Variants in GNA12 observed in about 807,000 individuals in gnomAD.
GNA12 encodes the protein G protein subunit alpha 12.
In GNA12, 9 loss-of-function variants were observed where a neutral mutation model predicts 26.0. The ratio of observed to expected loss-of-function variants is 0.35; its 90% CI spans 0.21 to 0.60. The LOEUF (loss-of-function observed/expected upper bound fraction) is 0.60. GNA12 is among the 20% of genes least tolerant of loss of function. The pLI, the probability that GNA12 is intolerant of heterozygous loss-of-function variation, is 0.78. For synonymous variants in GNA12, 264 were observed against 219.6 expected (o/e 1.20, Z -1.79); for missense variants, 405 against 525.8 (o/e 0.77, Z 2.25).
rs77711396 is a variant in GNA12 at position 2,795,183 on chromosome 7, C to A, written c.310-40G>T. The A allele has an allele frequency of 9.9e-4, 1,481 of 1,502,634 alleles. 12 individuals are homozygous for A. In the African/African-American group the frequency reaches 0.018, roughly 18 times the overall value. 93.1% of individuals were successfully genotyped at this position (1,502,634 alleles called of 1,614,324 possible). On this transcript the variant is annotated intron_variant, in intron 1 of 3. Coordinates refer to ENST00000275364, the MANE Select transcript of GNA12 (RefSeq NM_007353.3). ...AAAGAAGAGAGGATTTAATTGCATT[C>A]CAAAGACTAAACCACGCTAGAGAAG...
chr7:2,819,815 A>T (rs113544928), intron 1 of GNA12, among the ~76,000 whole-genome samples: 146 of 152,270 alleles, frequency 9.6e-4, no homozygotes, highest in African/African-American at 3.3e-3. Context: ...ATTCAGAAAC[A>T]CTCGGGTAGC....
At chr7:2,760,419 T>C (rs1168954270) in intron 2 of GNA12, 1 of 152,498 alleles carries the variant, frequency 6.6e-6, no homozygotes, top group Non-Finnish European at 1.5e-5. Flanking sequence ...AAGCAATCAA[T>C]GTCAGTGGTC....
At position 2,784,103 on chromosome 7, in the gene GNA12, T is replaced by C. The variant is rs569291911; in HGVS notation, c.525+10825A>G. On this transcript the variant is annotated intron_variant, in intron 2 of 3. Coordinates refer to ENST00000275364, the MANE Select transcript of GNA12 (RefSeq NM_007353.3). ...CATTTTTATCTCATTTTATTTAATT[T>C]AAAATTTAACATTTATTTTATTATT... is the stretch of plus-strand genomic sequence containing the variant. Among the ~76,000 whole-genome samples, 38 of 152,354 alleles carry C rather than the reference T, an allele frequency of 2.5e-4. No individual in the cohort carries two copies. In the South Asian group the frequency reaches 7.2e-3, roughly 29 times the overall value.
Position 2,803,911 on chromosome 7 carries a change from C to T in GNA12, c.310-8768G>A, listed in dbSNP as rs143307238. Among the ~76,000 whole-genome samples the T allele has an allele frequency of 2.9e-3, 436 of 152,316 alleles. 3 individuals are homozygous for T. Among genetic ancestry groups the T allele is most frequent in the Middle Eastern group, 0.01 (3 of 294 alleles). On this transcript the variant is annotated intron_variant, in intron 1 of 3. Coordinates refer to ENST00000275364, the MANE Select transcript of GNA12 (RefSeq NM_007353.3). ...GGGCTCCATTTCAAAACTCACAAGCCAGCAGGCTGGAAACTCCTGGAATCA... is the reference window on the plus strand; with the variant it reads ...GGGCTCCATTTCAAAACTCACAAGCTAGCAGGCTGGAAACTCCTGGAATCA...
In GNA12 at chr7:2,740,346, G is replaced by A. The variant is rs368248002; in HGVS notation, c.526-6845C>T. Reference sequence around the variant, plus strand: ...ACTGAAGGTAGGGACCTCATGATACGATAGTGCCTTCATAAGAAGAGACCG... The same window carrying A: ...ACTGAAGGTAGGGACCTCATGATACAATAGTGCCTTCATAAGAAGAGACCG... On this transcript the variant is annotated intron_variant, in intron 2 of 3. Coordinates refer to ENST00000275364, the MANE Select transcript of GNA12 (RefSeq NM_007353.3). Among the ~76,000 whole-genome samples, 7 of 152,220 alleles carry A rather than the reference G, an allele frequency of 4.6e-5. No homozygotes were observed. In the South Asian group the frequency reaches 1.5e-3, roughly 32 times the overall value.
At chr7:2,770,380 C>T (rs1470774458) in intron 2 of GNA12, among the ~76,000 whole-genome samples, 1 of 152,176 alleles carries the variant, frequency 6.6e-6, no homozygotes, top group African/African-American at 2.4e-5. Flanking sequence ...AGAACCATAT[C>T]AAGCTCAAAG....
Position 2,829,295 on chromosome 7 carries a change from G to C in GNA12, c.309+14558C>G, listed in dbSNP as rs566867127. Among the ~76,000 whole-genome samples the C allele has an allele frequency of 1.6e-4, 24 of 152,264 alleles. No individual in the cohort carries two copies. In the East Asian group the frequency reaches 4.4e-3, roughly 28 times the overall value. On this transcript the variant is annotated intron_variant, in intron 1 of 3. Transcript: ENST00000275364. Reference sequence around the variant, plus strand: ...CCTCCACCCATATTTCCCTCTGTCGGAGAGATAAGAAAAACTAAGGCTTCT... The same window carrying C: ...CCTCCACCCATATTTCCCTCTGTCGCAGAGATAAGAAAAACTAAGGCTTCT...
intron 2 of GNA12, among the ~76,000 whole-genome samples, 192 bp from the exon 3 acceptor site, chr7:2,733,693 A>T (rs1790015763): frequency 6.6e-6 from 1 of 152,228 alleles, no homozygotes; most frequent in Non-Finnish European, 1.5e-5. Flanking sequence ...TGTTTAATGC[A>T]GGTTCTTTAG....
intron 2 of GNA12, among the ~76,000 whole-genome samples, chr7:2,784,030 T>G (rs1016627323): frequency 1.3e-5 from 2 of 152,212 alleles, no homozygotes; most frequent in Admixed American, 6.5e-5. Flanking sequence ...TAAATTATTT[T>G]CAGCAGGTCT....
At chr7:2,781,240 T>A (rs1792219660) in intron 2 of GNA12, among the ~76,000 whole-genome samples, 1 of 152,224 alleles carries the variant, frequency 6.6e-6, no homozygotes, top group Non-Finnish European at 1.5e-5. Context: ...ATTATTAATC[T>A]TTTCCTCTTG....
chr7:2,771,016 C>A (rs114066405), intron 2 of GNA12, among the ~76,000 whole-genome samples: 9 of 152,148 alleles, frequency 5.9e-5, no homozygotes, highest in African/African-American at 2.2e-4. Context: ...AAAGGCCAGG[C>A]GCCGTGGCTC....
chr7:2,843,863 T>C lies in GNA12; in HGVS notation c.299A>G (p.Asn100Ser), dbSNP rs757785133. Residue 100 changes from asparagine (N) to serine (S), a missense_variant, in exon 1 of 4, where the codon AAC (asparagine) becomes AGC (serine). Transcript: ENST00000275364. Reference sequence around the variant, plus strand: ...GGGGGCGCGCGTCACCTTGAGGATGTTGTCGAAGATGGTGTCGCGGAACTC... The same window carrying C: ...GGGGGCGCGCGTCACCTTGAGGATGCTGTCGAAGATGGTGTCGCGGAACTC... Reference protein sequence around the residue: ...LLEFRDTIFDNILKGSRVLVD... With the variant: ...LLEFRDTIFDSILKGSRVLVD... The C allele has an allele frequency of 3.9e-6, 6 of 1,528,332 alleles. No individual in the cohort carries two copies. Among genetic ancestry groups the C allele is most frequent in the Middle Eastern group, 4.7e-4 (2 of 4,266 alleles). 94.7% of individuals were successfully genotyped at this position (1,528,332 alleles called of 1,614,324 possible). A position where few individuals can be genotyped will look rare whatever the true frequency, so the allele number is the denominator to read the frequency against.
intron 2 of GNA12, chr7:2,762,642 A>G (rs758048135): frequency 6.3e-7 from 1 of 1,595,676 alleles, no homozygotes; most frequent in Non-Finnish European, 8.5e-7. Flanking sequence ...CATGAAGCAC[A>G]GAGCGGCAGG....
intron 2 of GNA12, among the ~76,000 whole-genome samples, chr7:2,743,070 A>T (rs1790591161): frequency 6.6e-6 from 1 of 152,236 alleles, no homozygotes; most frequent in South Asian, 2.1e-4. Context: ...TGGGGCAACC[A>T]GGACTGCCAA....
intron 2 of GNA12, among the ~76,000 whole-genome samples, chr7:2,771,805 G>C (rs528026946): frequency 6.6e-6 from 1 of 151,424 alleles, no homozygotes; most frequent in Non-Finnish European, 1.5e-5. Flanking sequence ...ACATGTGGAA[G>C]GGCTAGCTCA....
chr7:2,731,703 G>C lies in GNA12; in HGVS notation c.624C>G (p.Thr208=), dbSNP rs952696779. ...KQDILLARKA[T]KGIVEHDFVI... Reference sequence around the variant, plus strand: ...CGAAGTCATGCTCCACAATTCCCTTGGTGGCTTTCCTAGCCAGCAGGATAT... The same window carrying C: ...CGAAGTCATGCTCCACAATTCCCTTCGTGGCTTTCCTAGCCAGCAGGATAT... Residue 208 remains threonine (T), a synonymous_variant, in exon 4 of 4, where the codon ACC becomes ACG. Transcript: ENST00000275364. This position sits in a 1 kb window ranked among gnomAD's most constrained non-coding sequence, Gnocchi z 6.0. The C allele has an allele frequency of 2.5e-6, 4 of 1,587,420 alleles. No individual in the cohort carries two copies. The highest frequency in any genetic ancestry group is 3.5e-5 in the Admixed American group (2 of 57,264).
chr7:2,824,705 C>T (rs1793444421), intron 1 of GNA12, among the ~76,000 whole-genome samples: 2 of 152,192 alleles, frequency 1.3e-5, no homozygotes, highest in South Asian at 2.1e-4. Context: ...CCATCACACA[C>T]CACAGTTCAA....
intron 2 of GNA12, among the ~76,000 whole-genome samples, chr7:2,757,543 G>T (rs772689248): frequency 2.6e-5 from 4 of 152,188 alleles, no homozygotes; most frequent in Non-Finnish European, 4.4e-5. Context: ...ACAAGCCTTA[G>T]ATGGGAACGC....
intron 2 of GNA12, among the ~76,000 whole-genome samples, chr7:2,765,986 T>C (rs974313630): frequency 6.6e-6 from 1 of 151,414 alleles, no homozygotes; most frequent in Non-Finnish European, 1.5e-5. Context: ...CATATTGACA[T>C]AAAATTTACC....
Sources: allele counts gnomAD v4.1 joint callset (sites outside exome capture counted in the v4.1 genomes callset), GRCh38; gene constraint gnomAD v4.1.1; non-coding constraint Gnocchi (gnomAD v3.1); transcripts MANE v1.5; gene names NCBI Gene and HGNC (gene_info 2026-07-23, HGNC 2026-07-21).